Variants in DOCK8 observed in about 807,000 individuals in gnomAD.
The protein encoded by DOCK8 is dedicator of cytokinesis protein 8.
A neutral mutation model predicts 245.6 loss-of-function variants in DOCK8; 141 were observed. That is an observed-to-expected ratio of 0.57 (90% confidence interval 0.50 to 0.66). DOCK8 has a LOEUF of 0.66. Ranked by LOEUF, DOCK8 falls within the 30% of genes least tolerant of loss-of-function variation. The pLI, the probability that DOCK8 is intolerant of heterozygous loss-of-function variation, is 0.00. For synonymous variants in DOCK8, 1,168 were observed against 970.2 expected (o/e 1.20, Z -3.79); for missense variants, 2,965 against 2,603.4 (o/e 1.14, Z -3.02).
chr9:419,947 C>T (rs1338544154), intron 30 of DOCK8, among the ~76,000 whole-genome samples: 1 of 152,254 alleles, frequency 6.6e-6, no homozygotes, highest in Non-Finnish European at 1.5e-5. Context: ...AAATCTTGAA[C>T]AGCAAGCTTA....
chr9:353,021 A>C (rs190532680), intron 14 of DOCK8, among the ~76,000 whole-genome samples: 26 of 152,294 alleles, frequency 1.7e-4, no homozygotes, highest in African/African-American at 6.0e-4. Context: ...CCAGTATTAT[A>C]AGCCCCTGCT....
intron 2 of DOCK8, among the ~76,000 whole-genome samples, chr9:274,812 G>A (rs540577714): frequency 4.3e-4 from 66 of 152,222 alleles, no homozygotes; most frequent in African/African-American, 1.5e-3. Context: ...GTAGGTTTTC[G>A]TTGCATTATT....
chr9:324,700 C>G (rs1232876888), intron 7 of DOCK8, among the ~76,000 whole-genome samples: 1 of 152,132 alleles, frequency 6.6e-6, no homozygotes. Flanking sequence ...ACATTCATCC[C>G]CATCAAAACC....
intron 4 of DOCK8, among the ~76,000 whole-genome samples, chr9:302,401 G>GA (rs930970790): frequency 1.3e-5 from 2 of 152,006 alleles, no homozygotes; most frequent in African/African-American, 2.4e-5. Flanking sequence ...AAACCCTAGA[G>GA]AAAAAAACTG....
rs770250970 is a variant in DOCK8, at chr9:422,047, G to A, written c.4154-1G>A. The A allele has an allele frequency of 6.2e-7, 1 of 1,613,742 alleles. No individual in the cohort carries two copies. Among genetic ancestry groups the A allele is most frequent in the Non-Finnish European group, 8.5e-7 (1 of 1,179,728 alleles). Reference sequence around the variant, plus strand: ...CCTATCATGCATTTCTTAACTCCTAGGGAACGACCGATTTCCAGGCCTAAA... The same window carrying A: ...CCTATCATGCATTTCTTAACTCCTAAGGAACGACCGATTTCCAGGCCTAAA... On this transcript the variant is annotated splice_acceptor_variant, in intron 32 of 47. Coordinates refer to ENST00000432829, the MANE Select transcript of DOCK8 (RefSeq NM_203447.4). LOFTEE classifies it high-confidence loss of function.
rs530496464 is a variant in DOCK8 at position 348,376 on chromosome 9, C to A, written c.1679+8055C>A. On this transcript the variant is annotated intron_variant, in intron 14 of 47. Transcript: ENST00000432829. ...GTGTCACTGATTCCACCGTTCACAA[C>A]TCCATACCACTCTCCTTATTTTATA... Among the ~76,000 whole-genome samples, 4 of 152,310 alleles carry A rather than the reference C, an allele frequency of 2.6e-5. No homozygotes were observed. In the South Asian group the frequency reaches 8.3e-4, roughly 32 times the overall value.
intron 1 of DOCK8, among the ~76,000 whole-genome samples, chr9:270,519 C>A (rs1408871221): frequency 6.6e-6 from 1 of 152,198 alleles, no homozygotes; most frequent in Admixed American, 6.5e-5. Context: ...TCCTGCCTTT[C>A]TAGGTGTAAC....
At position 258,002 on chromosome 9, in the gene DOCK8, C is replaced by G. The variant is rs550424241; in HGVS notation, c.54-13625C>G. Among the ~76,000 whole-genome samples the G allele has an allele frequency of 6.6e-5, 10 of 152,320 alleles. No homozygotes were observed. In the East Asian group the frequency reaches 1.9e-3, roughly 29 times the overall value. ...TGCATGAAAATACAACAACAATTAC[C>G]TGATGGTCCTTAGCTTAGTTCAGTT... On this transcript the variant is annotated intron_variant, in intron 1 of 47. Transcript: ENST00000432829.
At chr9:340,631 GAAAAA>G (rs1022289387) in intron 14 of DOCK8, 1 of 214,726 alleles carries the variant, frequency 4.7e-6, no homozygotes, top group Non-Finnish European at 9.4e-6. Context: ...AAAAAAAAAA[GAAAAA>G]AAGAAAAGCA....
At chr9:323,433 G>A (rs992476532) in intron 7 of DOCK8, among the ~76,000 whole-genome samples, 5 of 151,954 alleles carry the variant, frequency 3.3e-5, no homozygotes, top group Non-Finnish European at 5.9e-5. Flanking sequence ...GTGTTGGCCA[G>A]GCTGGTCTTG....
At chr9:275,332 T>C (rs1457781137) in intron 2 of DOCK8, among the ~76,000 whole-genome samples, 1 of 152,198 alleles carries the variant, frequency 6.6e-6, no homozygotes. Flanking sequence ...TAGAATATAC[T>C]GGCTTCAAAA....
At chr9:319,124 C>T (rs954435003) in intron 7 of DOCK8, among the ~76,000 whole-genome samples, 1 of 151,274 alleles carries the variant, frequency 6.6e-6, no homozygotes, top group African/African-American at 2.4e-5. Flanking sequence ...TAGTGAGACC[C>T]CCTCTCTACC....
At chr9:234,679 T>C (rs1280125338) in intron 1 of DOCK8, among the ~76,000 whole-genome samples, 1 of 152,226 alleles carries the variant, frequency 6.6e-6, no homozygotes, top group East Asian at 1.9e-4. Context: ...TTTTTTCCAG[T>C]TGGTCACATC....
intron 23 of DOCK8, among the ~76,000 whole-genome samples, chr9:386,800 A>G (rs1029093894): frequency 6.6e-6 from 1 of 152,238 alleles, no homozygotes; most frequent in African/African-American, 2.4e-5. Context: ...GAACCACTGC[A>G]TTGGCCTCCT....
chr9:216,537 C>CAAAAAAAAAAAAAAAAAAAAAACAA (rs59529982), intron 1 of DOCK8, among the ~76,000 whole-genome samples: 1 of 88,922 alleles, frequency 1.1e-5, no homozygotes, highest in Non-Finnish European at 2.1e-5. Flanking sequence ...AAAAAACAGA[C>CAAAAAAAAAAAAAAAAAAAAAACAA]AAAAAAAAAA....
intron 1 of DOCK8, among the ~76,000 whole-genome samples, chr9:244,799 T>G (rs1382401466): frequency 6.6e-6 from 1 of 151,822 alleles, no homozygotes; most frequent in Non-Finnish European, 1.5e-5. Flanking sequence ...CTTCCCACCA[T>G]AGCTCGTGAA....
At chr9:247,697 C>A (rs1027847262) in intron 1 of DOCK8, among the ~76,000 whole-genome samples, 12 of 152,170 alleles carry the variant, frequency 7.9e-5, no homozygotes, top group African/African-American at 2.9e-4. Flanking sequence ...CCACGCCCGG[C>A]TAATTTTTTG....
At chr9:411,032 T>A (rs1322651935) in intron 28 of DOCK8, among the ~76,000 whole-genome samples, 2 of 152,198 alleles carry the variant, frequency 1.3e-5, no homozygotes, top group African/African-American at 4.8e-5. Flanking sequence ...TCCAAGAAGA[T>A]ATAGAAAATC....
intron 4 of DOCK8, among the ~76,000 whole-genome samples, chr9:292,069 CA>C (rs139396600): frequency 1.2e-3 from 65 of 52,564 alleles, no homozygotes; most frequent in African/African-American, 4.4e-3. Context: ...GACCCTATCT[CA>C]AAAAAAAAAA....
Sources: gnomAD v4.1 joint callset for allele counts (sites outside exome capture counted in the v4.1 genomes callset) on GRCh38, gnomAD v4.1.1 for gene constraint, MANE v1.5 for transcripts, NCBI Gene and HGNC (gene_info 2026-07-23, HGNC 2026-07-21) for gene names.